The following IDE variants were observed in gnomAD, a reference collection of about 807,000 sequenced individuals.
IDE encodes the protein insulin degrading enzyme.
Under a neutral mutation model 133.2 loss-of-function variants are expected in IDE, and 58 were observed. The ratio of observed to expected loss-of-function variants is 0.44; its 90% CI spans 0.35 to 0.54. The LOEUF is 0.54. IDE is among the 20% of genes least tolerant of loss of function. The pLI, the probability that IDE is intolerant of heterozygous loss-of-function variation, is 0.00. For missense variants in IDE, 981 were observed against 1,234.0 expected (o/e 0.79, Z 3.07); for synonymous variants, 396 against 421.3 (o/e 0.94, Z 0.73).
intron 4 of IDE, among the ~76,000 whole-genome samples, chr10:92,519,036 A>C (rs895555575): frequency 4.6e-5 from 7 of 152,168 alleles, no homozygotes; most frequent in Non-Finnish European, 1.0e-4. Context: ...TACATCATAA[A>C]TCTGTAAAAA....
chr10:92,520,141 A>T (rs1849144973), intron 4 of IDE, among the ~76,000 whole-genome samples: 1 of 152,172 alleles, frequency 6.6e-6, no homozygotes, highest in Non-Finnish European at 1.5e-5. Context: ...GGCTCAGCAT[A>T]GCATCTATCA....
chr10:92,569,134 T>G (rs918879641), intron 1 of IDE, among the ~76,000 whole-genome samples: 18 of 152,302 alleles, frequency 1.2e-4, no homozygotes, highest in African/African-American at 4.3e-4. Flanking sequence ...ATAAAGGATT[T>G]AGTCATATAA....
Position 92,474,724 on chromosome 10 carries a change from C to T in IDE, c.2116+117G>A, listed in dbSNP as rs181827916. The T allele has an allele frequency of 1.3e-3, 1,079 of 856,062 alleles. 10 individuals are homozygous for T. The African/African-American group carries it at 0.017, about 13-fold the overall frequency. The allele number at this position is 856,062 out of a possible 1,614,324, so 53.0% of individuals were successfully genotyped here. ...CTGTTTTTATAAAACATATACACAG[C>T]CAGCTTTAATAGAACTACAAGTTAT... On this transcript the variant is annotated intron_variant, in intron 17 of 24. Transcript: ENST00000265986.
chr10:92,569,160 G>A (rs1344682356), intron 1 of IDE, among the ~76,000 whole-genome samples: 1 of 152,150 alleles, frequency 6.6e-6, no homozygotes, highest in Non-Finnish European at 1.5e-5. Context: ...AGACAGAAAG[G>A]GCATCTCGGA....
intron 1 of IDE, among the ~76,000 whole-genome samples, chr10:92,567,771 A>G (rs1359370050): frequency 2.0e-5 from 3 of 152,118 alleles, no homozygotes; most frequent in Non-Finnish European, 4.4e-5. Context: ...GCCAGGAGTT[A>G]GAGATCAGTA....
chr10:92,555,694 G>A (rs1473912920), intron 1 of IDE, among the ~76,000 whole-genome samples: 2 of 152,062 alleles, frequency 1.3e-5, no homozygotes, highest in Admixed American at 6.6e-5. Flanking sequence ...TCCTCAACCT[G>A]AAAAAGGGAC....
intron 20 of IDE, among the ~76,000 whole-genome samples, chr10:92,464,833 C>A (rs993479253): frequency 2.6e-5 from 4 of 152,176 alleles, no homozygotes; most frequent in Admixed American, 6.5e-5. Context: ...CCACGCCCAG[C>A]TAATCTTTGT....
intron 5 of IDE, among the ~76,000 whole-genome samples, chr10:92,513,885 G>T (rs1269366725): frequency 2.0e-5 from 3 of 151,850 alleles, no homozygotes; most frequent in South Asian, 2.1e-4. Context: ...TGGTAGGGTG[G>T]ACAACAAAAA....
chr10:92,537,488 A>G lies in IDE; in HGVS notation c.161T>C (p.Ile54Thr). The G allele has an allele frequency of 6.2e-7, 1 of 1,613,886 alleles. No homozygotes were observed. Among genetic ancestry groups the G allele is most frequent in the Non-Finnish European group, 8.5e-7 (1 of 1,179,874 alleles). ...NPAIKRIGNHITKSPEDKREY... is the reference protein window; with the variant it reads ...NPAIKRIGNHTTKSPEDKREY... Reference sequence around the variant, plus strand: ...TCGCTTGTCTTCAGGAGACTTGGTAATGTGATTTCCTATTCTCTTGATGGC... The same window carrying G: ...TCGCTTGTCTTCAGGAGACTTGGTAGTGTGATTTCCTATTCTCTTGATGGC... Residue 54 changes from isoleucine to threonine, a missense_variant, in exon 2 of 25, where the codon ATT becomes ACT. By Grantham distance (89) the Ile-to-Thr change is moderately conservative (BLOSUM62 -1). This residue lies in a region of IDE where 321 missense variants were observed against 339.3 expected (regional missense o/e 0.95). Transcript: ENST00000265986.
At chr10:92,562,646 T>C (rs1843331842) in intron 1 of IDE, among the ~76,000 whole-genome samples, 1 of 152,128 alleles carries the variant, frequency 6.6e-6, no homozygotes, top group Non-Finnish European at 1.5e-5. Flanking sequence ...TATTTTACCC[T>C]GGACCAAATG....
At chr10:92,487,505 T>C (rs568435663) in intron 12 of IDE, among the ~76,000 whole-genome samples, 187 bp from the exon 13 acceptor site, 2 of 152,322 alleles carry the variant, frequency 1.3e-5, no homozygotes, top group East Asian at 1.9e-4. Flanking sequence ...TTAGTCTTTC[T>C]AGTACTAGCA....
intron 1 of IDE, among the ~76,000 whole-genome samples, chr10:92,557,692 C>T (rs893814219): frequency 6.6e-6 from 1 of 151,954 alleles, no homozygotes. Flanking sequence ...GAGTTCGAGA[C>T]TAGCCTGGCG....
At chr10:92,517,797 T>C (rs1278166754) in intron 4 of IDE, among the ~76,000 whole-genome samples, 1 of 151,800 alleles carries the variant, frequency 6.6e-6, no homozygotes, top group Non-Finnish European at 1.5e-5. Context: ...ATGCCTATCA[T>C]CCCAGCTACT....
At chr10:92,569,609 T>C (rs2135850445) in intron 1 of IDE, among the ~76,000 whole-genome samples, 1 of 152,130 alleles carries the variant, frequency 6.6e-6, no homozygotes, top group Admixed American at 6.5e-5. Flanking sequence ...GATTCAAAGA[T>C]TTTCAAGCTA....
At chr10:92,477,447 G>A (rs538878629) in intron 15 of IDE, among the ~76,000 whole-genome samples, 31 of 152,340 alleles carry the variant, frequency 2.0e-4, no homozygotes, top group African/African-American at 6.7e-4. Context: ...GTGAGCCACC[G>A]TGCCCAGCCA....
At chr10:92,480,835 C>T in intron 14 of IDE, 1 of 461,534 alleles carries the variant, frequency 2.2e-6, no homozygotes, top group Non-Finnish European at 2.8e-6. Context: ...CTCAAGCGAT[C>T]TTCCTGCCTC....
At chr10:92,454,564 A>C (rs1564584205) in intron 24 of IDE, 25 bp from the exon 25 acceptor site, 1 of 1,560,218 alleles carries the variant, frequency 6.4e-7, no homozygotes, top group Non-Finnish European at 8.8e-7. Context: ...GTTTCCTTTT[A>C]GTGTATTTAA....
At chr10:92,558,836 C>G (rs1298045380) in intron 1 of IDE, 1 of 151,906 alleles carries the variant, frequency 6.6e-6, no homozygotes, top group Non-Finnish European at 1.5e-5. Flanking sequence ...TGCAGGTGAT[C>G]CACCTGCCTC....
intron 12 of IDE, among the ~76,000 whole-genome samples, chr10:92,487,903 T>C (rs1847100104): frequency 6.6e-6 from 1 of 152,138 alleles, no homozygotes; most frequent in South Asian, 2.1e-4. Flanking sequence ...TTCAAGTGAT[T>C]CTTGTGCCTC....
Sources: gnomAD v4.1 joint callset for allele counts (sites outside exome capture counted in the v4.1 genomes callset) on GRCh38, gnomAD v4.1.1 for gene constraint, gnomAD v4.1.1 regional missense constraint, MANE v1.5 for transcripts, NCBI Gene and HGNC (gene_info 2026-07-23, HGNC 2026-07-21) for gene names.